The following METTL9 variants were observed in gnomAD, a reference collection of about 807,000 sequenced individuals.
METTL9 encodes the protein methyltransferase 9, His-X-His N1(pi)-histidine.
METTL9 carries 10 observed loss-of-function variants against 36.0 expected under a neutral mutation model. The ratio of observed to expected loss-of-function variants is 0.28; its 90% CI spans 0.17 to 0.47. The LOEUF (loss-of-function observed/expected upper bound fraction) is 0.47. Among genes scored for constraint, METTL9 ranks in the 20% least tolerant of loss-of-function variants. METTL9 has a pLI of 0.99. For synonymous variants in METTL9, 175 were observed against 149.7 expected, an observed-to-expected ratio of 1.17 and a Z score of -1.23; for missense variants, 246 against 383.5, an observed-to-expected ratio of 0.64 and a Z score of 3.00.
upstream of METTL9, among the ~76,000 whole-genome samples, chr16:21,599,144 T>A (rs895743750): frequency 1.1e-4 from 17 of 152,236 alleles, no homozygotes; most frequent in Admixed American, 2.6e-4. This position sits in a 1 kb window ranked among gnomAD's most constrained non-coding sequence, Gnocchi z 4.4. Context: ...CCCCCGGGGT[T>A]AACTGCACGA....
intron 4 of METTL9, among the ~76,000 whole-genome samples, chr16:21,642,596 G>C (rs567595620): frequency 6.6e-6 from 1 of 152,216 alleles, no homozygotes; most frequent in Admixed American, 6.5e-5. Flanking sequence ...ATTCTTTTCA[G>C]TTCAACTCCA....
At chr16:21,626,010 C>T (rs1363565482) in intron 4 of METTL9, among the ~76,000 whole-genome samples, 2 of 152,142 alleles carry the variant, frequency 1.3e-5, no homozygotes, top group Admixed American at 6.5e-5. Flanking sequence ...CATTCTCCGG[C>T]CTCAGCCTTC....
chr16:21,627,077 G>A (rs944522172), intron 4 of METTL9: 5 of 985,266 alleles, frequency 5.1e-6, no homozygotes, highest in Admixed American at 1.2e-4. Context: ...GAGACAAGAA[G>A]CCTTGTTGCT....
At chr16:21,613,277 G>A (rs1419326536) in intron 2 of METTL9, among the ~76,000 whole-genome samples, 2 of 145,746 alleles carry the variant, frequency 1.4e-5, no homozygotes, top group African/African-American at 2.5e-5. Context: ...TCCGCCTCCC[G>A]GGTTTAAGTA....
intron 3 of METTL9, among the ~76,000 whole-genome samples, chr16:21,618,510 C>A (rs1965609977): frequency 6.6e-6 from 1 of 152,160 alleles, no homozygotes; most frequent in Non-Finnish European, 1.5e-5. Flanking sequence ...AAACTCTGTA[C>A]CCAATAAACA....
intron 1 of METTL9, among the ~76,000 whole-genome samples, chr16:21,610,347 A>G (rs1417022957): frequency 6.6e-6 from 1 of 152,236 alleles, no homozygotes; most frequent in African/African-American, 2.4e-5. Flanking sequence ...TGTATGGCAG[A>G]ACATGCTATT....
At position 21,599,782 on chromosome 16, in the gene METTL9, C is replaced by G. The variant is rs1005976665; in HGVS notation, c.49C>G (p.Leu17Val). ...WLCLSLASVW[L>V]ARRMWTLRSP... ...GTGCCTGAGCCTGGCGTCCGTGTGG[C>G]TGGCGCGGAGGATGTGGACGCTGCG... The change falls in exon 1 of 5, where the codon CTG becomes GTG. Residue 17 changes from leucine to valine, a missense_variant. Physicochemically the swap from Leu to Val is conservative, Grantham distance 32. This residue lies in a region of METTL9 where 100 missense variants were observed against 81.4 expected (regional missense o/e 1.23). Coordinates refer to ENST00000358154, the MANE Select transcript of METTL9 (RefSeq NM_016025.5). This position sits in a 1 kb window ranked among gnomAD's most constrained non-coding sequence, Gnocchi z 4.4. 3 of 1,548,180 alleles carry G rather than the reference C, an allele frequency of 1.9e-6. No homozygotes were observed. The highest frequency in any genetic ancestry group is 1.4e-5 in the African/African-American group (1 of 70,314).
intron 1 of METTL9, among the ~76,000 whole-genome samples, chr16:21,608,168 C>G (rs1174876534): frequency 6.6e-6 from 1 of 151,220 alleles, no homozygotes; most frequent in Non-Finnish European, 1.5e-5. Context: ...AAAGAACTCA[C>G]CTGCTTGAAA....
Position 21,612,726 on chromosome 16 carries a change from A to G in METTL9, c.247A>G (p.Ile83Val). ...VQSYLDQGTQ[I>V]FLNNSIEKSG... Reference sequence around the variant, plus strand: ...GAGTTACCTTGATCAAGGAACACAGATCTTCTTAAACAACAGCATTGAGAA... The same window carrying G: ...GAGTTACCTTGATCAAGGAACACAGGTCTTCTTAAACAACAGCATTGAGAA... The change falls in exon 2 of 5, where the codon ATC becomes GTC. Residue 83 changes from isoleucine to valine, a missense_variant. Transcript: ENST00000358154. 3 of 1,612,498 alleles carry G rather than the reference A, an allele frequency of 1.9e-6. No individual in the cohort carries two copies. Among genetic ancestry groups the G allele is most frequent in the Non-Finnish European group, 2.5e-6 (3 of 1,179,706 alleles).
chr16:21,610,900 G>C (rs1299293198), intron 1 of METTL9, among the ~76,000 whole-genome samples: 2 of 152,038 alleles, frequency 1.3e-5, no homozygotes, highest in Non-Finnish European at 2.9e-5. Context: ...AAGTCAGAGT[G>C]GCCTCCATAT....
chr16:21,650,538 G>T (rs538273468), intron 4 of METTL9, among the ~76,000 whole-genome samples: 3 of 151,376 alleles, frequency 2.0e-5, no homozygotes, highest in East Asian at 3.9e-4. Context: ...ATAGAGGTTG[G>T]GGTGGCGGGG....
chr16:21,606,001 C>A (rs1597740001), intron 1 of METTL9, among the ~76,000 whole-genome samples: 2 of 151,876 alleles, frequency 1.3e-5, no homozygotes, highest in Admixed American at 1.3e-4. Flanking sequence ...CTTCACCCTA[C>A]CCCACCCCAC....
chr16:21,623,518 A>T (rs1965752634), intron 3 of METTL9, among the ~76,000 whole-genome samples: 1 of 152,142 alleles, frequency 6.6e-6, no homozygotes, highest in African/African-American at 2.4e-5. Flanking sequence ...CACCTACCAC[A>T]TTCTGATTGG....
At chr16:21,608,802 A>G (rs1965354833) in intron 1 of METTL9, among the ~76,000 whole-genome samples, 1 of 152,200 alleles carries the variant, frequency 6.6e-6, no homozygotes, top group South Asian at 2.1e-4. Context: ...GACTTTAGTT[A>G]CTATCTAGAC....
At chr16:21,628,069 A>T (rs1342655760) in intron 4 of METTL9, among the ~76,000 whole-genome samples, 1 of 152,226 alleles carries the variant, frequency 6.6e-6, no homozygotes, top group East Asian at 1.9e-4. Flanking sequence ...TATGTACATT[A>T]AAAAAATTAT....
At chr16:21,623,798 G>T (rs890663953) in intron 3 of METTL9, among the ~76,000 whole-genome samples, 4 of 152,020 alleles carry the variant, frequency 2.6e-5, no homozygotes, top group Non-Finnish European at 5.9e-5. Context: ...TTGAGATGGA[G>T]TCTGGCTCTG....
upstream of METTL9, among the ~76,000 whole-genome samples, chr16:21,598,494 C>CT (rs1441391849): frequency 6.6e-6 from 1 of 151,910 alleles, no homozygotes; most frequent in East Asian, 1.9e-4. Context: ...TTGTTTTGAA[C>CT]TTAGACACAT....
intron 4 of METTL9, chr16:21,640,778 AAAAAG>A (rs1273355694): frequency 1.3e-5 from 2 of 150,938 alleles, no homozygotes; most frequent in African/African-American, 2.4e-5. Context: ...AAAAAAAAAA[AAAAAG>A]AAAAGAAAAA....
At chr16:21,614,059 C>T (rs912748970) in intron 2 of METTL9, among the ~76,000 whole-genome samples, 1 of 152,056 alleles carries the variant, frequency 6.6e-6, no homozygotes, top group Non-Finnish European at 1.5e-5. Context: ...CTTCAGGCAC[C>T]GCAAGCCATT....
Sources: allele counts gnomAD v4.1 joint callset (sites outside exome capture counted in the v4.1 genomes callset), GRCh38; gene constraint gnomAD v4.1.1; regional missense constraint gnomAD v4.1.1; non-coding constraint Gnocchi (gnomAD v3.1); transcripts MANE v1.5; gene names NCBI Gene and HGNC (gene_info 2026-07-23, HGNC 2026-07-21).